Variants in APBA2 observed in about 807,000 individuals in gnomAD.
APBA2 encodes the protein amyloid beta precursor protein binding family A member 2, also known as amyloid-beta A4 precursor protein-binding family A member 2.
Under a neutral mutation model 75.0 loss-of-function variants are expected in APBA2, and 30 were observed. The ratio of observed to expected loss-of-function variants is 0.40; its 90% CI spans 0.30 to 0.54. The LOEUF is 0.54. Ranked by LOEUF, APBA2 falls within the 20% of genes least tolerant of loss-of-function variation. APBA2 has a pLI of 0.49. For synonymous variants in APBA2, 444 were observed against 409.6 expected (o/e 1.08, Z -1.01); for missense variants, 801 against 1,016.1 (o/e 0.79, Z 2.88).
chr15:28,914,676 A>G (rs1201719701), intron 1 of APBA2, among the ~76,000 whole-genome samples: 2 of 152,012 alleles, frequency 1.3e-5, no homozygotes, highest in Admixed American at 1.3e-4. Context: ...AAGTTACAGA[A>G]AATATCTTCC....
At chr15:29,071,991 A>G (rs970878491) in intron 4 of APBA2, among the ~76,000 whole-genome samples, 2 of 151,964 alleles carry the variant, frequency 1.3e-5, no homozygotes, top group African/African-American at 4.8e-5. Context: ...CCTGGCTTGA[A>G]GTTGCATGAA....
intron 2 of APBA2, among the ~76,000 whole-genome samples, chr15:28,982,824 A>C (rs1251558600): frequency 6.6e-6 from 1 of 152,202 alleles, no homozygotes; most frequent in Non-Finnish European, 1.5e-5. Flanking sequence ...AGGGCTGCCT[A>C]CAGGGCTGGT....
chr15:29,108,363 C>T lies in APBA2; in HGVS notation c.2011C>T (p.Leu671=). The T allele has an allele frequency of 6.2e-7, 1 of 1,614,108 alleles. No homozygotes were observed. The highest frequency in any genetic ancestry group is 8.5e-7 in the Non-Finnish European group (1 of 1,180,034). ...CAAGCGGCCAGACCTCAAGTACCAG[C>T]TGGGCTTCAGCGTGCAGAATGGAAT... ...LIKRPDLKYQ[L]GFSVQNGIIC... The change falls in exon 13 of 15, where the codon CTG becomes TTG. Residue 671 remains leucine (L), a synonymous_variant. Transcript: ENST00000683413.
intron 4 of APBA2, among the ~76,000 whole-genome samples, chr15:29,061,837 T>C (rs992022985): frequency 3.9e-5 from 6 of 152,276 alleles, no homozygotes; most frequent in Non-Finnish European, 8.8e-5. Context: ...GGGCAGCATA[T>C]GAAGTGAGTG....
At chr15:29,056,645 C>G (rs2041915491) in intron 4 of APBA2, among the ~76,000 whole-genome samples, 1 of 133,228 alleles carries the variant, frequency 7.5e-6, no homozygotes, top group Non-Finnish European at 1.6e-5. Flanking sequence ...TCCTCTCTCT[C>G]TCTCTCTCTC....
intron 3 of APBA2, among the ~76,000 whole-genome samples, chr15:29,048,287 G>A (rs1461870494): frequency 2.0e-5 from 3 of 152,174 alleles, no homozygotes; most frequent in African/African-American, 7.2e-5. Flanking sequence ...GGCAGAGACT[G>A]CCGTGAGCTG....
rs1208456795 is a variant in APBA2 at position 28,918,090 on chromosome 15, T to TC, written c.-204-3550_-204-3549insC. Among the ~76,000 whole-genome samples, 2 of 152,196 alleles carry TC rather than the reference T, an allele frequency of 1.3e-5. No individual in the cohort carries two copies. Among genetic ancestry groups the TC allele is most frequent in the Non-Finnish European group, 2.9e-5 (2 of 68,034 alleles). On this transcript the variant is annotated intron_variant, in intron 1 of 14. Coordinates refer to ENST00000683413, the MANE Select transcript of APBA2 (RefSeq NM_001353788.2). This position sits in a 1 kb window ranked among gnomAD's most constrained non-coding sequence, Gnocchi z 4.2. ...TAGGGATAAGAATCACCGCGAGTGT[T>TC]TGCTGAGCACTTGGGAGGCATAGGC...
intron 1 of APBA2, among the ~76,000 whole-genome samples, chr15:28,914,079 T>A (rs993472515): frequency 6.6e-6 from 1 of 152,254 alleles, no homozygotes; most frequent in African/African-American, 2.4e-5. Flanking sequence ...TCTTCTATTG[T>A]GTCTAGTCTG....
chr15:29,040,743 A>C (rs1439381857), intron 3 of APBA2, among the ~76,000 whole-genome samples: 1 of 152,236 alleles, frequency 6.6e-6, no homozygotes, highest in Non-Finnish European at 1.5e-5. Context: ...ATTTTTAATC[A>C]GGGTTAAAAT....
At chr15:29,095,053 T>G (rs1196991429) in intron 8 of APBA2, among the ~76,000 whole-genome samples, 2 of 145,664 alleles carry the variant, frequency 1.4e-5, no homozygotes, top group African/African-American at 2.6e-5. Flanking sequence ...GGCGACAGAG[T>G]GAGACCCTAT....
rs1244313291 is a variant in APBA2 at position 29,046,792 on chromosome 15, G to A, written c.-40-7053G>A. Among the ~76,000 whole-genome samples, 2 of 152,192 alleles carry A rather than the reference G, an allele frequency of 1.3e-5. No homozygotes were observed. Among genetic ancestry groups the A allele is most frequent in the African/African-American group, 4.8e-5 (2 of 41,448 alleles). On this transcript the variant is annotated intron_variant, in intron 3 of 14. Coordinates refer to ENST00000683413, the MANE Select transcript of APBA2 (RefSeq NM_001353788.2). This position sits in a 1 kb window ranked among gnomAD's most constrained non-coding sequence, Gnocchi z 5.0. ...TCCCTGCTTTCCTCAGTCCCTCCAA[G>A]ATGCACCCATATCCCACTGCAGGGA...
At chr15:28,990,050 A>T (rs1205663820) in intron 2 of APBA2, among the ~76,000 whole-genome samples, 1 of 152,190 alleles carries the variant, frequency 6.6e-6, no homozygotes, top group African/African-American at 2.4e-5. Flanking sequence ...TGTCTACCTG[A>T]TGCTGTGGGC....
chr15:28,912,717 T>C (rs531520791), intron 1 of APBA2, among the ~76,000 whole-genome samples: 92 of 152,370 alleles, frequency 6.0e-4, no homozygotes, highest in African/African-American at 2.2e-3. Context: ...ACTACTGTTA[T>C]TGAGCAATCC....
intron 6 of APBA2, among the ~76,000 whole-genome samples, chr15:29,089,673 A>C (rs953567604): frequency 6.6e-6 from 1 of 152,150 alleles, no homozygotes; most frequent in Non-Finnish European, 1.5e-5. Flanking sequence ...CAGAGGGCCT[A>C]GGGTTTTCCT....
intron 3 of APBA2, among the ~76,000 whole-genome samples, chr15:29,023,076 A>G (rs1011053402): frequency 6.6e-6 from 1 of 152,156 alleles, no homozygotes; most frequent in African/African-American, 2.4e-5. Context: ...CTTAGTCCTA[A>G]TAATTCGTCC....
intron 13 of APBA2, chr15:29,108,642 A>T (rs1400691301): frequency 3.2e-5 from 19 of 594,682 alleles, no homozygotes; most frequent in Non-Finnish European, 4.7e-5. Context: ...CCTTGTCCCC[A>T]TGGTGGTTGT....
intron 2 of APBA2, among the ~76,000 whole-genome samples, chr15:28,939,251 GTTC>G (rs1430268270): frequency 6.6e-6 from 1 of 152,196 alleles, no homozygotes; most frequent in Non-Finnish European, 1.5e-5. Context: ...TTGTTGATCT[GTTC>G]TTCTGCTGCT....
intron 2 of APBA2, among the ~76,000 whole-genome samples, chr15:28,925,732 T>C (rs1176718025): frequency 6.6e-6 from 1 of 152,220 alleles, no homozygotes; most frequent in Non-Finnish European, 1.5e-5. Flanking sequence ...TTGTTGATTT[T>C]CTGTCTGCTT....
At chr15:29,107,397 G>A (rs2044479782) in intron 12 of APBA2, among the ~76,000 whole-genome samples, 2 of 152,184 alleles carry the variant, frequency 1.3e-5, no homozygotes, top group South Asian at 2.1e-4. Context: ...CGAAGGAATG[G>A]GTTCTGCCTG....
Sources: gnomAD v4.1 joint callset for allele counts (sites outside exome capture counted in the v4.1 genomes callset) on GRCh38, gnomAD v4.1.1 for gene constraint, Gnocchi (gnomAD v3.1) non-coding constraint, MANE v1.5 for transcripts, NCBI Gene and HGNC (gene_info 2026-07-23, HGNC 2026-07-21) for gene names.